The following SLC7A2 variants were observed in gnomAD, a reference collection of about 807,000 sequenced individuals.
The protein encoded by SLC7A2 is cationic amino acid transporter 2.
A neutral mutation model predicts 58.9 loss-of-function variants in SLC7A2; 48 were observed. The observed-to-expected ratio is 0.82, with a 90% confidence interval of 0.65 to 1.04. The LOEUF (loss-of-function observed/expected upper bound fraction) is 1.04, where lower values mean the gene tolerates loss of function less well. Ranked by LOEUF, SLC7A2 falls within the 50% of genes least tolerant of loss-of-function variation. The pLI, the probability that SLC7A2 is intolerant of heterozygous loss-of-function variation, is 0.00. For synonymous variants in SLC7A2, 363 were observed against 314.5 expected (o/e 1.15, Z -1.63); for missense variants, 1,029 against 818.8 (o/e 1.26, Z -3.13).
Position 17,565,381 on chromosome 8 carries a change from AGTGTGTATGTAT to A in SLC7A2, c.*250_*261del, listed in dbSNP as rs1451295252. On this transcript the variant is annotated 3_prime_UTR_variant, in exon 13 of 13. Coordinates refer to ENST00000494857, the MANE Select transcript of SLC7A2 (RefSeq NM_001370338.1). ...TGATGAATAGCCCCCAAACAGTGGG[AGTGTGTATGTAT>A]GTGTGTATGTATGTATCTATGTATA... is the stretch of plus-strand genomic sequence containing the variant. The A allele has an allele frequency of 1.9e-6, 1 of 513,956 alleles. No individual in the cohort carries two copies. Among genetic ancestry groups the A allele is most frequent in the African/African-American group, 1.9e-5 (1 of 52,294 alleles). The allele number at this position is 513,956 out of a possible 1,614,324, so 31.8% of individuals were successfully genotyped here.
rs1214747660 is a variant in SLC7A2 at position 17,560,470 on chromosome 8, T to G, written c.1441T>G (p.Cys481Gly). The change falls in exon 10 of 13, where the codon TGC becomes GGC. Residue 481 changes from cysteine to glycine, a missense_variant. Transcript: ENST00000494857. Reference sequence around the variant, plus strand: ...GGGCTTCAGCATGCGGACCCTCTTCTGCCCCTCCCTTCTGCCAACACAGCA... The same window carrying G: ...GGGCTTCAGCATGCGGACCCTCTTCGGCCCCTCCCTTCTGCCAACACAGCA... ...RQGFSMRTLF[C>G]PSLLPTQQSA... The G allele has an allele frequency of 6.2e-5, 100 of 1,613,912 alleles. No individual in the cohort carries two copies. Among genetic ancestry groups the G allele is most frequent in the Non-Finnish European group, 8.5e-5 (100 of 1,179,924 alleles).
At chr8:17,555,460 G>A (rs996071512) in intron 8 of SLC7A2, among the ~76,000 whole-genome samples, 1 of 152,012 alleles carries the variant, frequency 6.6e-6, no homozygotes, top group Non-Finnish European at 1.5e-5. Context: ...CTTAATTTTT[G>A]AAATATTAAT....
intron 7 of SLC7A2, among the ~76,000 whole-genome samples, chr8:17,552,786 A>G (rs978982852): frequency 2.0e-5 from 3 of 152,206 alleles, no homozygotes; most frequent in Non-Finnish European, 4.4e-5. Flanking sequence ...TATTTCAATT[A>G]ACATATGAGT....
intron 2 of SLC7A2, among the ~76,000 whole-genome samples, chr8:17,541,680 G>A (rs950715901): frequency 1.3e-5 from 2 of 152,150 alleles, no homozygotes; most frequent in African/African-American, 4.8e-5. Context: ...ACAATCCCAT[G>A]TACAGCTCTT....
intron 4 of SLC7A2, among the ~76,000 whole-genome samples, chr8:17,546,760 G>A (rs1032636565): frequency 3.1e-4 from 47 of 152,034 alleles, no homozygotes; most frequent in Non-Finnish European, 5.0e-4. Context: ...TTTTGATGGT[G>A]GGTGGTATAG....
chr8:17,562,938 C>G (rs1803088882), intron 11 of SLC7A2, among the ~76,000 whole-genome samples: 1 of 152,022 alleles, frequency 6.6e-6, no homozygotes, highest in South Asian at 2.1e-4. Context: ...GCCAGGAGTT[C>G]AAGTGTAGCC....
chr8:17,524,342 G>T (rs564433575), intron 2 of SLC7A2, among the ~76,000 whole-genome samples: 4 of 151,940 alleles, frequency 2.6e-5, no homozygotes, highest in African/African-American at 9.7e-5. Flanking sequence ...TTGCAAAAAT[G>T]TGGAATCAGC....
At chr8:17,511,878 A>G (rs369170884) in intron 2 of SLC7A2, among the ~76,000 whole-genome samples, 2 of 152,174 alleles carry the variant, frequency 1.3e-5, no homozygotes, top group Non-Finnish European at 2.9e-5. Context: ...TGTTCTTTCT[A>G]TACCCCACCT....
intron 2 of SLC7A2, among the ~76,000 whole-genome samples, chr8:17,541,371 A>C (rs1585235428): frequency 1.3e-5 from 2 of 152,210 alleles, no homozygotes; most frequent in East Asian, 3.8e-4. Context: ...TTGACGTTGA[A>C]AACCTGAATA....
upstream of SLC7A2, chr8:17,497,068 G>C (rs1434081243): frequency 6.6e-6 from 1 of 151,048 alleles, no homozygotes; most frequent in Admixed American, 6.6e-5. Context: ...CTACACAGAG[G>C]GGCGCCCACG....
At chr8:17,496,363 C>T (rs1222672615), upstream of SLC7A2, among the ~76,000 whole-genome samples, 1 of 152,170 alleles carries the variant, frequency 6.6e-6, no homozygotes, top group African/African-American at 2.4e-5. Flanking sequence ...CACACTGACA[C>T]ACACTTATTG....
chr8:17,539,090 A>T (rs1363318631), intron 2 of SLC7A2, among the ~76,000 whole-genome samples: 1 of 152,218 alleles, frequency 6.6e-6, no homozygotes, highest in Non-Finnish European at 1.5e-5. Flanking sequence ...TATGATTAGC[A>T]GATTTGGAAA....
chr8:17,529,376 A>G (rs182567254), intron 2 of SLC7A2, among the ~76,000 whole-genome samples: 2 of 135,192 alleles, frequency 1.5e-5, no homozygotes, highest in Admixed American at 7.3e-5. Context: ...GCGAAATACT[A>G]TTTAGAAGTG....
intron 2 of SLC7A2, among the ~76,000 whole-genome samples, chr8:17,532,387 C>G (rs1801498309): frequency 6.6e-6 from 1 of 152,050 alleles, no homozygotes; most frequent in African/African-American, 2.4e-5. Flanking sequence ...CTGTGTGTGC[C>G]AGTAGTACCC....
chr8:17,547,728 A>G (rs1023893240), intron 4 of SLC7A2, among the ~76,000 whole-genome samples: 1 of 152,054 alleles, frequency 6.6e-6, no homozygotes. Flanking sequence ...GTACCTCAAT[A>G]TAGTCGAAGA....
chr8:17,495,847 G>C (rs995815884), upstream of SLC7A2, among the ~76,000 whole-genome samples: 1 of 151,932 alleles, frequency 6.6e-6, no homozygotes, highest in Non-Finnish European at 1.5e-5. Context: ...ACCACCCCCA[G>C]CCTACACTTT....
At position 17,560,326 on chromosome 8, in the gene SLC7A2, A is replaced by G; in HGVS notation, c.1299-2A>G. The G allele has an allele frequency of 6.2e-7, 1 of 1,612,012 alleles. No homozygotes were observed. Among genetic ancestry groups the G allele is most frequent in the East Asian group, 2.2e-5 (1 of 44,850 alleles). Reference sequence around the variant, plus strand: ...AAGACATAGATGTTTGTTTGGAAATAGGTACCAGCCTGGCTTATCTTACGA... The same window carrying G: ...AAGACATAGATGTTTGTTTGGAAATGGGTACCAGCCTGGCTTATCTTACGA... On this transcript the variant is annotated splice_acceptor_variant, in intron 9 of 12. Coordinates refer to ENST00000494857, the MANE Select transcript of SLC7A2 (RefSeq NM_001370338.1). LOFTEE classifies it high-confidence loss of function.
intron 9 of SLC7A2, 49 bp from the exon 10 acceptor site, chr8:17,560,279 G>A: frequency 6.8e-7 from 1 of 1,468,420 alleles, no homozygotes; most frequent in Non-Finnish European, 9.5e-7. Context: ...TTTCACTTGG[G>A]CCAAATGTCT....
intron 8 of SLC7A2, 86 bp downstream of exon 8, chr8:17,554,785 C>A (rs1472535250): frequency 2.1e-6 from 3 of 1,408,230 alleles, no homozygotes; most frequent in Non-Finnish European, 2.8e-6. Flanking sequence ...AGGTGGTTTT[C>A]TTTTTTGATT....
Sources: gnomAD v4.1 joint callset for allele counts (sites outside exome capture counted in the v4.1 genomes callset) on GRCh38, gnomAD v4.1.1 for gene constraint, MANE v1.5 for transcripts, NCBI Gene and HGNC (gene_info 2026-07-23, HGNC 2026-07-21) for gene names.